SLC6A13: variants seen among roughly 807,000 people sequenced by gnomAD.
SLC6A13 encodes the protein solute carrier family 6 member 13.
In SLC6A13, 69 loss-of-function variants were observed where a neutral mutation model predicts 72.9. The ratio of observed to expected loss-of-function variants is 0.95; its 90% CI spans 0.78 to 1.16. The LOEUF (loss-of-function observed/expected upper bound fraction) is 1.16. Ranked by LOEUF, SLC6A13 falls within the 50% of genes most tolerant of loss-of-function variation. The pLI, the probability that SLC6A13 is intolerant of heterozygous loss-of-function variation, is 0.00. For synonymous variants in SLC6A13, 303 were observed against 303.0 expected (o/e 1.00, Z 0.00); for missense variants, 735 against 760.5 (o/e 0.97, Z 0.39).
At position 237,245 on chromosome 12, in the gene SLC6A13, G is replaced by T. The variant is rs199787691; in HGVS notation, c.609C>A (p.Ala203=). 6.2e-7 allele frequency: 1 copy of T among 1,614,188 alleles called. No individual in the cohort carries two copies. Among genetic ancestry groups the T allele is most frequent in the Non-Finnish European group, 8.5e-7 (1 of 1,180,000 alleles). ...KISDGIQHLG[A]LRWELALCLL... ...GGCACAGAGCCAGCTCCCAGCGCAG[G>T]GCCCCCAGGTGCTGGATCCCATCAG... The change falls in exon 6 of 15, where the codon GCC becomes GCA. Residue 203 remains alanine (A), a synonymous_variant. Transcript: ENST00000343164.
chr12:250,290 C>A (rs2137309254), intron 2 of SLC6A13, among the ~76,000 whole-genome samples: 1 of 152,068 alleles, frequency 6.6e-6, no homozygotes, highest in East Asian at 1.9e-4. Context: ...TAGAATCTAG[C>A]CAATAAGGCA....
intron 9 of SLC6A13, among the ~76,000 whole-genome samples, chr12:225,521 A>G (rs12146866): frequency 1.3e-5 from 2 of 152,294 alleles, no homozygotes; most frequent in South Asian, 4.2e-4. Flanking sequence ...GTGGTGGCAC[A>G]TGCCTGTAAT....
chr12:233,173 T>TC (rs952613295), intron 7 of SLC6A13, among the ~76,000 whole-genome samples: 2 of 152,040 alleles, frequency 1.3e-5, no homozygotes, highest in Non-Finnish European at 2.9e-5. Context: ...GCACACTCAC[T>TC]CCCCCGGCAG....
At chr12:261,647 C>T (rs1296640722) in intron 1 of SLC6A13, among the ~76,000 whole-genome samples, 1 of 152,216 alleles carries the variant, frequency 6.6e-6, no homozygotes, top group African/African-American at 2.4e-5. Flanking sequence ...AGTGAACAGG[C>T]CGGGTGCAAT....
chr12:260,472 A>G (rs925620854), intron 1 of SLC6A13, among the ~76,000 whole-genome samples: 1 of 152,192 alleles, frequency 6.6e-6, no homozygotes, highest in African/African-American at 2.4e-5. Context: ...GGGATTTTAC[A>G]TGTCCTCAAA....
intron 2 of SLC6A13, among the ~76,000 whole-genome samples, chr12:251,880 T>C (rs1942566225): frequency 6.6e-6 from 1 of 152,172 alleles, no homozygotes; most frequent in Non-Finnish European, 1.5e-5. Flanking sequence ...GGAAGATCAT[T>C]TGAGCTCAGA....
intron 4 of SLC6A13, 100 bp from the exon 5 acceptor site, chr12:238,110 G>A (rs1288650631): frequency 1.3e-6 from 2 of 1,564,462 alleles, no homozygotes; most frequent in South Asian, 1.1e-5. Flanking sequence ...TGGGAAGGAA[G>A]GTATTTGGCA....
chr12:226,611 G>T, intron 8 of SLC6A13, 97 bp from the exon 9 acceptor site: 1 of 1,457,340 alleles, frequency 6.9e-7, no homozygotes, highest in Non-Finnish European at 9.2e-7. Context: ...CCTCCTGGCG[G>T]ACACTGTCCT....
At chr12:246,156 T>TAAATAAATAAATAAATAAAA (rs892942714) in intron 2 of SLC6A13, among the ~76,000 whole-genome samples, 6 of 121,068 alleles carry the variant, frequency 5.0e-5, no homozygotes, top group South Asian at 2.6e-4. Context: ...AATAAATAAA[T>TAAATAAATAAATAAATAAAA]AAAATACAAA....
At chr12:257,696 C>A (rs1445660404) in intron 2 of SLC6A13, among the ~76,000 whole-genome samples, 1 of 148,534 alleles carries the variant, frequency 6.7e-6, no homozygotes, top group African/African-American at 2.4e-5. Flanking sequence ...CAGACCCACA[C>A]AGACTCACCA....
Position 258,763 on chromosome 12 carries a change from G to A in SLC6A13, c.202+1088C>T, listed in dbSNP as rs534502424. ...GTGGGGATAGCAGAGTTACCCCAGG[G>A]GGCTGAAAGAGAGGGGAATGAGAAG... On this transcript the variant is annotated intron_variant, in intron 2 of 14. Coordinates refer to ENST00000343164, the MANE Select transcript of SLC6A13 (RefSeq NM_016615.5). Among the ~76,000 whole-genome samples, 105 of 152,280 alleles carry A rather than the reference G, an allele frequency of 6.9e-4. 1 individual carries two copies. Among genetic ancestry groups the A allele is most frequent in the Non-Finnish European group, 1.3e-3 (87 of 68,020 alleles).
Position 255,095 on chromosome 12 carries a change from G to A in SLC6A13, c.202+4756C>T, listed in dbSNP as rs74819474. Reference sequence around the variant, plus strand: ...TCCAGTCACTCAGGTGAAAACTCTCGGATTGCTTAGATGGGTGCTAGCAGT... The same window carrying A: ...TCCAGTCACTCAGGTGAAAACTCTCAGATTGCTTAGATGGGTGCTAGCAGT... On this transcript the variant is annotated intron_variant, in intron 2 of 14. Transcript: ENST00000343164. 2.3e-3 allele frequency among the ~76,000 whole-genome samples: 351 copies of A among 152,298 alleles called. 9 individuals carry two copies. The East Asian group carries it at 0.064, about 28-fold the overall frequency.
chr12:238,560 G>C (rs1942029724), intron 4 of SLC6A13, among the ~76,000 whole-genome samples: 1 of 152,236 alleles, frequency 6.6e-6, no homozygotes, highest in African/African-American at 2.4e-5. Context: ...CGTGGATGTA[G>C]AGTGCTCAAT....
rs1008429953 is a variant in SLC6A13, at chr12:224,586, C to G, written c.1061-73G>C. ...AGGCTGTGGGTGACCCATGGCTTCCCAGCGTGGGGCCACAGAATAACAGGG... is the reference window on the plus strand; with the variant it reads ...AGGCTGTGGGTGACCCATGGCTTCCGAGCGTGGGGCCACAGAATAACAGGG... On this transcript the variant is annotated intron_variant, in intron 9 of 14. Transcript: ENST00000343164. The G allele has an allele frequency of 3.4e-6, 4 of 1,190,010 alleles. No homozygotes were observed. In the African/African-American group the frequency reaches 6.1e-5, roughly 18 times the overall value. The allele number at this position is 1,190,010 out of a possible 1,614,324, so 73.7% of individuals were successfully genotyped here.
Position 224,409 on chromosome 12 carries a change from C to G in SLC6A13, c.1165G>C (p.Asp389His). 6.2e-7 allele frequency: 1 copy of G among 1,613,134 alleles called. No individual in the cohort carries two copies. The highest frequency in any genetic ancestry group is 1.7e-4 in the Middle Eastern group (1 of 6,060). The change falls in exon 10 of 15, where the codon GAT becomes CAT. Residue 389 changes from aspartate (D) to histidine (H), a missense_variant. Asp to His is a moderately conservative substitution (Grantham distance 81). Coordinates refer to ENST00000343164, the MANE Select transcript of SLC6A13 (RefSeq NM_016615.5). The stretch of plus-strand genomic sequence containing the variant: ...TGGCTGCCTCTTGATACCTGGCTAT[C>G]CAGTCCCAGGAGAACGACCATGAAG... ...FFFMVVLLGL[D>H]SQFVCVESLV...
intron 13 of SLC6A13, among the ~76,000 whole-genome samples, chr12:221,862 G>T (rs546603743): frequency 6.6e-6 from 1 of 152,212 alleles, no homozygotes; most frequent in Non-Finnish European, 1.5e-5. Context: ...TGAGTTTGGG[G>T]TATGAGTACC....
intron 2 of SLC6A13, chr12:253,398 T>C (rs543930538): frequency 9.1e-4 from 138 of 152,422 alleles, no homozygotes; most frequent in Middle Eastern, 6.8e-3. Flanking sequence ...ACACTGTCAC[T>C]CACTGCTAAA....
At position 254,196 on chromosome 12, in the gene SLC6A13, C is replaced by T. The variant is rs973259572; in HGVS notation, c.202+5655G>A. Among the ~76,000 whole-genome samples, 4 of 152,186 alleles carry T rather than the reference C, an allele frequency of 2.6e-5. No individual in the cohort carries two copies. The highest frequency in any genetic ancestry group is 2.1e-4 in the South Asian group (1 of 4,828). ...AAATGTCAAGCTTCTTCAGCCGCCT[C>T]GCCAGCTCAGGGCCCCACCCCCGAG... On this transcript the variant is annotated intron_variant, in intron 2 of 14. Transcript: ENST00000343164. The surrounding 1 kb of genome is among the most constrained non-coding windows in gnomAD (Gnocchi z 4.4).
At chr12:221,163 C>T in intron 14 of SLC6A13, 93 bp from the exon 15 acceptor site, 1 of 1,465,172 alleles carries the variant, frequency 6.8e-7, no homozygotes, top group South Asian at 1.4e-5. Context: ...TCCCCACACA[C>T]AAACCTGCCC....
Sources: gnomAD v4.1 joint callset for allele counts (sites outside exome capture counted in the v4.1 genomes callset) on GRCh38, gnomAD v4.1.1 for gene constraint, Gnocchi (gnomAD v3.1) non-coding constraint, MANE v1.5 for transcripts, NCBI Gene and HGNC (gene_info 2026-07-23, HGNC 2026-07-21) for gene names.